SCAF4: variants seen among roughly 807,000 people sequenced by gnomAD.
The protein encoded by SCAF4 is SR-related and CTD-associated factor 4.
In SCAF4, 25 loss-of-function variants were observed where a neutral mutation model predicts 129.8. The observed-to-expected ratio is 0.19, with a 90% confidence interval of 0.14 to 0.27. The LOEUF is 0.27. Among genes scored for constraint, SCAF4 ranks in the 10% least tolerant of loss-of-function variants. SCAF4 has a pLI of 1.00. For synonymous variants in SCAF4, 551 were observed against 497.7 expected (o/e 1.11, Z -1.43); for missense variants, 1,246 against 1,457.1 (o/e 0.86, Z 2.36).
chr21:31,714,576 C>A (rs1193983536), intron 1 of SCAF4, among the ~76,000 whole-genome samples: 1 of 152,080 alleles, frequency 6.6e-6, no homozygotes, highest in Non-Finnish European at 1.5e-5. Context: ...ATCCCTCATA[C>A]CAGTAAAGAG....
intron 1 of SCAF4, among the ~76,000 whole-genome samples, chr21:31,722,774 G>A (rs7277149): frequency 0.023 from 3,527 of 151,736 alleles, 127 homozygotes; most frequent in African/African-American, 0.08. Flanking sequence ...CCAACATTGA[G>A]AAACCCCGTC....
intron 19 of SCAF4, among the ~76,000 whole-genome samples, chr21:31,682,544 G>A (rs1164695638): frequency 2.6e-5 from 4 of 152,040 alleles, no homozygotes; most frequent in African/African-American, 9.7e-5. Flanking sequence ...CACTCACTAA[G>A]TGCCTGCCCT....
chr21:31,695,447 A>C (rs1416065731), intron 9 of SCAF4, among the ~76,000 whole-genome samples: 1 of 152,232 alleles, frequency 6.6e-6, no homozygotes, highest in African/African-American at 2.4e-5. Context: ...TTTCAAATAA[A>C]GTATCATAAT....
intron 1 of SCAF4, among the ~76,000 whole-genome samples, chr21:31,727,295 G>T (rs1377678455): frequency 6.6e-6 from 1 of 152,006 alleles, no homozygotes; most frequent in East Asian, 1.9e-4. Flanking sequence ...AGCCAGGCTG[G>T]TCTGTAACTC....
chr21:31,693,911 G>A (rs2050319045), intron 11 of SCAF4, among the ~76,000 whole-genome samples: 1 of 151,828 alleles, frequency 6.6e-6, no homozygotes, highest in Admixed American at 6.6e-5. Context: ...ATGGAACTTT[G>A]AAAATATAGT....
chr21:31,702,522 A>G lies in SCAF4; in HGVS notation c.322-143T>C, dbSNP rs570953842. 2,514 of 743,176 alleles carry G rather than the reference A, an allele frequency of 3.4e-3. 11 individuals carry two copies. The highest frequency in any genetic ancestry group is 8.4e-3 in the Admixed American group (270 of 32,260). The allele number at this position is 743,176 out of a possible 1,614,324, so 46.0% of individuals were successfully genotyped here. A position where few individuals can be genotyped will look rare whatever the true frequency, so the allele number is the denominator to read the frequency against. On this transcript the variant is annotated intron_variant, in intron 4 of 19. Transcript: ENST00000286835. ...TCATAAACAAGGAAAAAAAAAAATC[A>G]GAATTACAACCTGGTTAAACTAATT... is the stretch of plus-strand genomic sequence containing the variant.
intron 1 of SCAF4, among the ~76,000 whole-genome samples, chr21:31,723,699 T>G (rs970147847): frequency 6.6e-6 from 1 of 152,066 alleles, no homozygotes; most frequent in African/African-American, 2.4e-5. Context: ...ATTTCATGAT[T>G]ATTTCTGAAA....
At chr21:31,715,157 T>C (rs1424179723) in intron 1 of SCAF4, among the ~76,000 whole-genome samples, 1 of 152,220 alleles carries the variant, frequency 6.6e-6, no homozygotes, top group East Asian at 1.9e-4. Flanking sequence ...GAAGAATCTA[T>C]TTCTTGTCTA....
At chr21:31,719,231 G>A (rs975136775) in intron 1 of SCAF4, among the ~76,000 whole-genome samples, 4 of 151,860 alleles carry the variant, frequency 2.6e-5, no homozygotes, top group East Asian at 1.9e-4. Flanking sequence ...TGGAGATTGC[G>A]GTCAGCCAAG....
intron 16 of SCAF4, 96 bp downstream of exon 16, chr21:31,688,211 T>C (rs554431277): frequency 2.6e-6 from 3 of 1,176,410 alleles, no homozygotes; most frequent in African/African-American, 3.1e-5. Flanking sequence ...TATGTACTCA[T>C]GTTTTTTACT....
In SCAF4 at chr21:31,688,228, C is replaced by A. The variant is rs543011602; in HGVS notation, c.2043+79G>T. The A allele has an allele frequency of 2.8e-5, 38 of 1,353,022 alleles. 1 individual carries two copies. In the South Asian group the frequency reaches 5.9e-4, roughly 21 times the overall value. 83.8% of individuals were successfully genotyped at this position (1,353,022 alleles called of 1,614,324 possible). A position where few individuals can be genotyped will look rare whatever the true frequency, so the allele number is the denominator to read the frequency against. On this transcript the variant is annotated intron_variant, in intron 16 of 19. Transcript: ENST00000286835. ...TGTACTCATGTTTTTTACTATGAATCCAGACATATATCTACAGTAAGATTT... is the reference window on the plus strand; with the variant it reads ...TGTACTCATGTTTTTTACTATGAATACAGACATATATCTACAGTAAGATTT...
chr21:31,700,054 G>A (rs1284059611), intron 7 of SCAF4, among the ~76,000 whole-genome samples: 1 of 151,790 alleles, frequency 6.6e-6, no homozygotes, highest in Non-Finnish European at 1.5e-5. Context: ...TTGAATTCCT[G>A]GGGCCAAGCA....
chr21:31,686,011 T>C (rs1274618475), intron 16 of SCAF4, among the ~76,000 whole-genome samples: 1 of 151,896 alleles, frequency 6.6e-6, no homozygotes, highest in Non-Finnish European at 1.5e-5. Flanking sequence ...AAGACCAGCC[T>C]GGTCAACATG....
At chr21:31,728,444 G>A (rs1016059162) in intron 1 of SCAF4, among the ~76,000 whole-genome samples, 3 of 152,016 alleles carry the variant, frequency 2.0e-5, no homozygotes, top group Non-Finnish European at 4.4e-5. Context: ...AAACATTTCA[G>A]TGGCCAAGTC....
At chr21:31,706,521 C>T (rs566735404) in intron 1 of SCAF4, 164 bp from the exon 2 acceptor site, 43 of 597,468 alleles carry the variant, frequency 7.2e-5, no homozygotes, top group South Asian at 2.1e-4. Flanking sequence ...GGTGGCCAGG[C>T]ACCCAGCACA....
intron 1 of SCAF4, among the ~76,000 whole-genome samples, chr21:31,717,249 G>A (rs1163592566): frequency 6.6e-6 from 1 of 151,968 alleles, no homozygotes; most frequent in Non-Finnish European, 1.5e-5. Context: ...TTTATCTAAG[G>A]CAATTATTAG....
chr21:31,685,120 C>G lies in SCAF4; in HGVS notation c.2417G>C (p.Gly806Ala). 1 of 1,613,106 alleles carries G rather than the reference C, an allele frequency of 6.2e-7. No individual in the cohort carries two copies. The highest frequency in any genetic ancestry group is 1.1e-5 in the South Asian group (1 of 91,044). The change falls in exon 19 of 20, where the codon GGC becomes GCC. Residue 806 changes from glycine to alanine, a missense_variant. This residue lies in a region of SCAF4 where 468 missense variants were observed against 605.5 expected (regional missense o/e 0.77). Transcript: ENST00000286835. The part of the protein sequence containing the change: ...AESGDSVKMY[G>A]SAVPPAAPTN... ...GGGTGCAGCAGGTGGCACGGCAGAG[C>G]CATACATTTTCACGCTGTCACCAGA...
intron 1 of SCAF4, among the ~76,000 whole-genome samples, chr21:31,721,784 A>C (rs435929): frequency 1 from 150,448 of 150,480 alleles, 75,208 homozygotes; most frequent in Admixed American, 1. Context: ...TGGAGTGCAC[A>C]GGCACAATCT....
At position 31,672,087 on chromosome 21, in the gene SCAF4, C is replaced by T. The variant is rs375327254; in HGVS notation, c.2756G>A (p.Gly919Asp). The change falls in exon 20 of 20, where the codon GGT becomes GAT. Residue 919 changes from glycine to aspartate, a missense_variant. Physicochemically the swap from Gly to Asp is moderately conservative, Grantham distance 94 (BLOSUM62 -1). This residue lies in a region of SCAF4 where 339 missense variants were observed against 325.0 expected (regional missense o/e 1.04). Coordinates refer to ENST00000286835, the MANE Select transcript of SCAF4 (RefSeq NM_020706.2). ...TGGGCCCCCGAGCCCTGGCATTCCA[C>T]CAGGCCTAACAAAGGGGCCATGCGG... ...FPPHGPFVRP[G>D]GMPGLGGPGP... 1 of 1,613,388 alleles carries T rather than the reference C, an allele frequency of 6.2e-7. No homozygotes were observed. The highest frequency in any genetic ancestry group is 8.5e-7 in the Non-Finnish European group (1 of 1,179,456).
Sources: gnomAD v4.1 joint callset for allele counts (sites outside exome capture counted in the v4.1 genomes callset) on GRCh38, gnomAD v4.1.1 for gene constraint, gnomAD v4.1.1 regional missense constraint, MANE v1.5 for transcripts, NCBI Gene and HGNC (gene_info 2026-07-23, HGNC 2026-07-21) for gene names.